Variants in LTBP1 observed in about 807,000 individuals in gnomAD.
The protein encoded by LTBP1 is latent transforming growth factor beta binding protein 1.
A neutral mutation model predicts 207.6 loss-of-function variants in LTBP1; 129 were observed. The ratio of observed to expected loss-of-function variants is 0.62; its 90% CI spans 0.54 to 0.72. The LOEUF is 0.72. Among genes scored for constraint, LTBP1 ranks in the 30% least tolerant of loss-of-function variants. The probability of loss-of-function intolerance (pLI) is 0.00; values close to 1 mark genes in which losing one functional copy is unlikely to be tolerated. For synonymous variants in LTBP1, 963 were observed against 833.7 expected (o/e 1.16, Z -2.67); for missense variants, 2,281 against 2,217.2 (o/e 1.03, Z -0.58).
chr2:33,317,818 T>C (rs953013340), intron 24 of LTBP1: 1 of 152,192 alleles, frequency 6.6e-6, no homozygotes, highest in Non-Finnish European at 1.5e-5. Flanking sequence ...TCCCGTGACT[T>C]GGAGAAGTGT....
intron 7 of LTBP1, among the ~76,000 whole-genome samples, chr2:33,202,113 TAAAAG>T (rs551119079): frequency 1.1e-4 from 16 of 151,074 alleles, no homozygotes; most frequent in Non-Finnish European, 2.1e-4. Flanking sequence ...TAAAAAAACT[TAAAAG>T]AATAAGCTTA....
intron 7 of LTBP1, among the ~76,000 whole-genome samples, chr2:33,194,240 C>T (rs921589180): frequency 2.0e-5 from 3 of 152,068 alleles, no homozygotes; most frequent in African/African-American, 7.2e-5. Flanking sequence ...CCTCCTCGGC[C>T]TCCCAAAGTG....
chr2:33,051,141 T>C (rs1444635585), intron 3 of LTBP1, among the ~76,000 whole-genome samples: 1 of 152,042 alleles, frequency 6.6e-6, no homozygotes, highest in East Asian at 1.9e-4. Flanking sequence ...TCCCCGCCCG[T>C]TGTGGTGGCT....
At chr2:33,266,130 C>T (rs929145518) in intron 15 of LTBP1, among the ~76,000 whole-genome samples, 2 of 152,212 alleles carry the variant, frequency 1.3e-5, no homozygotes, top group Non-Finnish European at 2.9e-5. Flanking sequence ...CACTCCTTGG[C>T]CTCTCCCCGC....
chr2:32,972,392 T>C (rs1681034938), intron 2 of LTBP1, among the ~76,000 whole-genome samples: 1 of 152,126 alleles, frequency 6.6e-6, no homozygotes, highest in Non-Finnish European at 1.5e-5. Context: ...TAATGTTAGG[T>C]TGTTAATTTG....
At chr2:33,363,362 T>C in intron 28 of LTBP1, 28 bp from the exon 29 acceptor site, 3 of 1,612,158 alleles carry the variant, frequency 1.9e-6, no homozygotes, top group Non-Finnish European at 2.5e-6. Context: ...TAACTCCTTT[T>C]TGTATTTCTC....
intron 4 of LTBP1, among the ~76,000 whole-genome samples, chr2:33,125,681 A>C (rs977363391): frequency 6.6e-6 from 1 of 151,922 alleles, no homozygotes; most frequent in Non-Finnish European, 1.5e-5. Flanking sequence ...AAATACAAAA[A>C]TTAGCTGGGC....
intron 3 of LTBP1, among the ~76,000 whole-genome samples, chr2:33,058,301 C>G (rs1277290301): frequency 6.6e-6 from 1 of 152,192 alleles, no homozygotes; most frequent in Non-Finnish European, 1.5e-5. Context: ...ACTAATTTTG[C>G]AAAAGACCAT....
At chr2:33,248,120 C>T (rs2092568069) in intron 10 of LTBP1, among the ~76,000 whole-genome samples, 1 of 152,202 alleles carries the variant, frequency 6.6e-6, no homozygotes, top group Admixed American at 6.5e-5. Context: ...TCTCATGGCA[C>T]CGTGGCCCGG....
chr2:33,029,689 C>T (rs988863049), intron 3 of LTBP1, among the ~76,000 whole-genome samples: 2 of 152,278 alleles, frequency 1.3e-5, no homozygotes, highest in South Asian at 2.1e-4. Context: ...ACCTTTTGTT[C>T]CATGTTCTCC....
chr2:33,181,243 C>A (rs1005792670), intron 5 of LTBP1, among the ~76,000 whole-genome samples: 1 of 152,120 alleles, frequency 6.6e-6, no homozygotes, highest in East Asian at 1.9e-4. Flanking sequence ...CAGGGTCTGC[C>A]TTTTTATGGT....
intron 3 of LTBP1, among the ~76,000 whole-genome samples, chr2:33,054,975 C>G (rs1333214410): frequency 6.6e-6 from 1 of 152,118 alleles, no homozygotes; most frequent in Admixed American, 6.5e-5. Flanking sequence ...TTTAAGGTGT[C>G]CTAGTAAACC....
chr2:33,082,516 G>A (rs116609890), intron 3 of LTBP1, among the ~76,000 whole-genome samples: 3,610 of 138,206 alleles, frequency 0.026, 59 homozygotes, highest in Middle Eastern at 0.056. Flanking sequence ...GTGCGATCTC[G>A]GCTCACTGCA....
At chr2:33,034,819 A>T (rs1275644421) in intron 3 of LTBP1, among the ~76,000 whole-genome samples, 1 of 152,204 alleles carries the variant, frequency 6.6e-6, no homozygotes, top group Non-Finnish European at 1.5e-5. Flanking sequence ...GCAATATGGA[A>T]ATATCCATGC....
At chr2:33,035,575 T>C (rs1158127546) in intron 3 of LTBP1, among the ~76,000 whole-genome samples, 1 of 152,246 alleles carries the variant, frequency 6.6e-6, no homozygotes, top group Non-Finnish European at 1.5e-5. Flanking sequence ...TTTGGGTTGT[T>C]TTATGCATTG....
At chr2:33,020,558 C>A (rs2075116791) in intron 2 of LTBP1, among the ~76,000 whole-genome samples, 1 of 152,176 alleles carries the variant, frequency 6.6e-6, no homozygotes, top group African/African-American at 2.4e-5. Flanking sequence ...CACTTGGTTT[C>A]AAATCCGAGC....
At chr2:33,074,543 C>T (rs181977464) in intron 3 of LTBP1, among the ~76,000 whole-genome samples, 2 of 152,124 alleles carry the variant, frequency 1.3e-5, no homozygotes, top group Non-Finnish European at 2.9e-5. Context: ...TCGAGACCAG[C>T]CTCGCCAACG....
At chr2:33,066,786 A>G (rs1020997361) in intron 3 of LTBP1, among the ~76,000 whole-genome samples, 1 of 152,244 alleles carries the variant, frequency 6.6e-6, no homozygotes, top group Non-Finnish European at 1.5e-5. Flanking sequence ...TAAATTTGCA[A>G]GTGACTCCTT....
chr2:33,336,718 A>G (rs1354455651), intron 24 of LTBP1, among the ~76,000 whole-genome samples: 1 of 152,180 alleles, frequency 6.6e-6, no homozygotes, highest in African/African-American at 2.4e-5. Flanking sequence ...ATAGATGAGT[A>G]CGTTTTGCTC....
Sources: gnomAD v4.1 joint callset for allele counts (sites outside exome capture counted in the v4.1 genomes callset) on GRCh38, gnomAD v4.1.1 for gene constraint, MANE v1.5 for transcripts, NCBI Gene and HGNC (gene_info 2026-07-23, HGNC 2026-07-21) for gene names.